PI4KA: variants seen among roughly 807,000 people sequenced by gnomAD.
The protein encoded by PI4KA is PI4-kinase alpha.
A neutral mutation model predicts 271.4 loss-of-function variants in PI4KA; 122 were observed. That is an observed-to-expected ratio of 0.45 (90% CI 0.39 to 0.52). The LOEUF (loss-of-function observed/expected upper bound fraction) is 0.52, where lower values mean the gene tolerates loss of function less well. PI4KA is among the 20% of genes least tolerant of loss of function. PI4KA has a pLI of 0.00. For synonymous variants in PI4KA, 1,041 were observed against 1,078.8 expected (o/e 0.96, Z 0.69); for missense variants, 1,969 against 2,769.1 (o/e 0.71, Z 6.48).
chr22:20,746,898 G>C (rs2147307897), intron 29 of PI4KA, among the ~76,000 whole-genome samples: 1 of 152,294 alleles, frequency 6.6e-6, no homozygotes, highest in South Asian at 2.1e-4. Context: ...TATCCCAAGG[G>C]AGGCCTGTCA....
intron 2 of PI4KA, 122 bp downstream of exon 2, chr22:20,838,493 T>A: frequency 1.5e-6 from 1 of 658,782 alleles, no homozygotes; most frequent in South Asian, 1.9e-5. Context: ...CACTAACCAC[T>A]TTGATTAGGT....
chr22:20,785,747 C>A (rs1189661308), intron 19 of PI4KA, among the ~76,000 whole-genome samples: 1 of 152,112 alleles, frequency 6.6e-6, no homozygotes, highest in Non-Finnish European at 1.5e-5. Flanking sequence ...TGCTGCTAAC[C>A]TTGAAGATAG....
intron 32 of PI4KA, among the ~76,000 whole-genome samples, chr22:20,735,976 C>T (rs1230891689): frequency 3.3e-5 from 5 of 152,144 alleles, no homozygotes; most frequent in Non-Finnish European, 5.9e-5. Flanking sequence ...GCCAGGGCCT[C>T]GTGGACTCTG....
chr22:20,750,652 G>A (rs980397731), intron 27 of PI4KA, among the ~76,000 whole-genome samples: 4 of 152,350 alleles, frequency 2.6e-5, no homozygotes, highest in Middle Eastern at 3.4e-3. Context: ...CAGGCTCTGC[G>A]TGGCAAAATC....
At chr22:20,756,346 G>A (rs139755157) in intron 23 of PI4KA, among the ~76,000 whole-genome samples, 4,492 of 151,716 alleles carry the variant, frequency 0.03, 88 homozygotes, top group Middle Eastern at 0.061. Context: ...TCAGCCTCCC[G>A]AGTAGGTGGG....
chr22:20,714,695 A>C lies in PI4KA; in HGVS notation c.5323T>G (p.Tyr1775Asp). 1 of 1,613,874 alleles carries C rather than the reference A, an allele frequency of 6.2e-7. No homozygotes were observed. The highest frequency in any genetic ancestry group is 1.7e-4 in the Middle Eastern group (1 of 6,016). ...LSEVKVQPGC[Y>D]LPSNPEAIVL... is the part of the protein sequence containing the mutation. ...ATGGCCTCAGGGTTGCTGGGCAGGT[A>C]GCAGCCTGTGCAGGGACAGAGGCAG... Residue 1775 changes from tyrosine to aspartate, a missense_variant, in exon 46 of 55, where the codon TAC becomes GAC. Transcript: ENST00000255882.
intron 3 of PI4KA, among the ~76,000 whole-genome samples, chr22:20,831,100 A>G (rs967450889): frequency 5.3e-5 from 8 of 152,096 alleles, no homozygotes; most frequent in Admixed American, 6.6e-5. Flanking sequence ...AGTGGTTGGT[A>G]ATAATCTTTC....
chr22:20,769,347 C>T (rs1277513023), intron 19 of PI4KA, among the ~76,000 whole-genome samples: 1 of 152,084 alleles, frequency 6.6e-6, no homozygotes, highest in Non-Finnish European at 1.5e-5. Context: ...CTCTAGTCTC[C>T]AGAAAGGAGA....
chr22:20,757,254 TATAC>T (rs1243577982), intron 23 of PI4KA, among the ~76,000 whole-genome samples: 1 of 152,220 alleles, frequency 6.6e-6, no homozygotes, highest in East Asian at 1.9e-4. Flanking sequence ...ATAAGAGGGA[TATAC>T]ACTCAATAGC....
intron 32 of PI4KA, among the ~76,000 whole-genome samples, chr22:20,738,583 G>A (rs575486205): frequency 2.0e-5 from 3 of 152,184 alleles, no homozygotes; most frequent in African/African-American, 7.2e-5. Context: ...TCCTTGTGGA[G>A]GCAGAGACAG....
intron 23 of PI4KA, among the ~76,000 whole-genome samples, chr22:20,758,459 C>CTTTTTTTTTTTTTTTTTTTTTTT (rs35401829): frequency 1.2e-5 from 1 of 85,036 alleles, no homozygotes; most frequent in Admixed American, 1.6e-4. Flanking sequence ...TCTTTCTTTT[C>CTTTTTTTTTTTTTTTTTTTTTTT]TTTTTTTTTT....
chr22:20,721,805 G>C (rs894487516), intron 42 of PI4KA: 1 of 194,000 alleles, frequency 5.2e-6, no homozygotes, highest in African/African-American at 2.3e-5. Context: ...GTGACAGACA[G>C]GTTCCAGAAA....
intron 5 of PI4KA, 144 bp downstream of exon 5, chr22:20,820,395 C>T: frequency 1.6e-6 from 1 of 624,054 alleles, no homozygotes; most frequent in Non-Finnish European, 2.8e-6. Flanking sequence ...TCTGAGGATA[C>T]TAACACACAA....
chr22:20,820,720 C>T, intron 4 of PI4KA, 109 bp from the exon 5 acceptor site: 3 of 746,578 alleles, frequency 4.0e-6, no homozygotes, highest in Non-Finnish European at 6.8e-6. Context: ...TAACCAACCC[C>T]ATATATGATA....
At position 20,779,246 on chromosome 22, in the gene PI4KA, G is replaced by C. The variant is rs1933548395; in HGVS notation, c.2329-13553C>G. 8 of 1,609,938 alleles carry C rather than the reference G, an allele frequency of 5.0e-6. No individual in the cohort carries two copies. In the African/African-American group the frequency reaches 5.3e-5, roughly 11 times the overall value. On this transcript the variant is annotated intron_variant, in intron 19 of 54. Coordinates refer to ENST00000255882, the MANE Select transcript of PI4KA (RefSeq NM_058004.4). ...AACCTGCCATGTGGATGCTGCAGCGGGGTGTGGATCAGCCAGGCCGCCTTT... is the reference window on the plus strand; with the variant it reads ...AACCTGCCATGTGGATGCTGCAGCGCGGTGTGGATCAGCCAGGCCGCCTTT...
chr22:20,774,758 CAAAAAAA>C (rs361993), intron 19 of PI4KA, among the ~76,000 whole-genome samples: 1 of 107,368 alleles, frequency 9.3e-6, no homozygotes. Flanking sequence ...TAGACTCCGT[CAAAAAAA>C]AAAAAAAAAA....
At chr22:20,803,115 T>G (rs1451512987) in intron 13 of PI4KA, 76 bp downstream of exon 13, 12 of 1,489,088 alleles carry the variant, frequency 8.1e-6, no homozygotes, top group Non-Finnish European at 1.1e-5. Flanking sequence ...GGTACAGTCA[T>G]GAAACCTGTG....
Position 20,733,044 on chromosome 22 carries a change from G to A in PI4KA, c.4215C>T (p.Ser1405=), listed in dbSNP as rs760249919. 6.1e-5 allele frequency: 99 copies of A among 1,611,416 alleles called. No individual in the cohort carries two copies. Among genetic ancestry groups the A allele is most frequent in the Non-Finnish European group, 8.0e-5 (94 of 1,179,456 alleles). ...QGEKRLREDI[S]IMIKFWTAMF... ...TGGCGGTCCAAAATTTAATCATGATGCTTATGTCTTCACGCAGCCGCTTCT... is the reference window on the plus strand; with the variant it reads ...TGGCGGTCCAAAATTTAATCATGATACTTATGTCTTCACGCAGCCGCTTCT... Residue 1405 remains serine (S), a synonymous_variant, in exon 36 of 55, where the codon AGC becomes AGT. Transcript: ENST00000255882.
intron 47 of PI4KA, 27 bp downstream of exon 47, chr22:20,714,431 C>T: frequency 6.3e-7 from 1 of 1,587,862 alleles, no homozygotes; most frequent in South Asian, 1.1e-5. Context: ...ACTGAGCTCC[C>T]AAACAAAATC....
Sources: allele counts gnomAD v4.1 joint callset (sites outside exome capture counted in the v4.1 genomes callset), GRCh38; gene constraint gnomAD v4.1.1; transcripts MANE v1.5; gene names NCBI Gene and HGNC (gene_info 2026-07-23, HGNC 2026-07-21).